ZCCHC7: variants seen among roughly 807,000 people sequenced by gnomAD.
ZCCHC7 encodes the protein zinc finger CCHC domain-containing protein 7.
Under a neutral mutation model 52.0 loss-of-function variants are expected in ZCCHC7, and 35 were observed. The observed-to-expected ratio is 0.67, with a 90% CI of 0.51 to 0.89. The LOEUF is 0.89. Among genes scored for constraint, ZCCHC7 ranks in the 40% least tolerant of loss-of-function variants. The pLI is 0.00. For missense variants in ZCCHC7, 574 were observed against 649.1 expected (o/e 0.88, Z 1.26); for synonymous variants, 217 against 221.5 (o/e 0.98, Z 0.18).
intron 2 of ZCCHC7, among the ~76,000 whole-genome samples, chr9:37,194,369 G>T (rs1056718371): frequency 3.3e-5 from 5 of 152,056 alleles, no homozygotes; most frequent in African/African-American, 9.7e-5. Flanking sequence ...AAGTAGCAAC[G>T]GCCTTGCAAC....
chr9:37,126,849 G>T lies in ZCCHC7; in HGVS notation c.517G>T (p.Val173Leu). 1 of 1,614,178 alleles carries T rather than the reference G, an allele frequency of 6.2e-7. No individual in the cohort carries two copies. Among genetic ancestry groups the T allele is most frequent in the South Asian group, 1.1e-5 (1 of 91,084 alleles). ...GAGCACCATTTCAGAAGGTGATAAT[G>T]TGGAAAGCTGGATGCTACTGGGATG... ...EESTISEGDN[V>L]ESWMLLGCEV... Residue 173 changes from valine (V) to leucine (L), a missense_variant, in exon 2 of 9, where the codon GTG becomes TTG. By Grantham distance (32) the Val-to-Leu change is conservative (BLOSUM62 1). Transcript: ENST00000336755.
chr9:37,213,988 G>A (rs1020210878), intron 2 of ZCCHC7, among the ~76,000 whole-genome samples: 6 of 151,620 alleles, frequency 4.0e-5, no homozygotes, highest in Admixed American at 6.6e-5. Context: ...TATGAGATTC[G>A]CTCAATGGTG....
chr9:37,225,872 G>A (rs1018747892), intron 2 of ZCCHC7, among the ~76,000 whole-genome samples: 8 of 152,194 alleles, frequency 5.3e-5, no homozygotes, highest in African/African-American at 1.7e-4. Context: ...CTGGGAAGAA[G>A]ACAAGACAGT....
intron 2 of ZCCHC7, among the ~76,000 whole-genome samples, chr9:37,286,388 A>G (rs566585366): frequency 5.9e-5 from 9 of 152,314 alleles, no homozygotes. Context: ...CAGGCTGGGC[A>G]TAGTGGCTTA....
chr9:37,152,615 T>A (rs761307472), intron 2 of ZCCHC7, among the ~76,000 whole-genome samples: 17 of 152,142 alleles, frequency 1.1e-4, no homozygotes, highest in Non-Finnish European at 2.2e-4. Flanking sequence ...AAATTAGGAT[T>A]TGTTTGATGT....
At chr9:37,120,681 C>A in intron 1 of ZCCHC7, 58 bp downstream of exon 1, 1 of 379,644 alleles carries the variant, frequency 2.6e-6, no homozygotes, top group Admixed American at 4.5e-5. Flanking sequence ...TGCCTACCCT[C>A]CTTCTTGCCC....
intron 2 of ZCCHC7, among the ~76,000 whole-genome samples, chr9:37,210,444 T>C (rs1015989711): frequency 2.6e-5 from 4 of 152,218 alleles, no homozygotes; most frequent in African/African-American, 9.7e-5. Context: ...TCCTATCTTA[T>C]ATTACTGATC....
intron 2 of ZCCHC7, among the ~76,000 whole-genome samples, chr9:37,300,949 G>A (rs2133689550): frequency 6.6e-6 from 1 of 152,210 alleles, no homozygotes; most frequent in Middle Eastern, 3.4e-3. Flanking sequence ...TTTTACAGTT[G>A]TATTTTTAGA....
intron 2 of ZCCHC7, among the ~76,000 whole-genome samples, chr9:37,165,818 C>G (rs567011592): frequency 2.6e-5 from 4 of 152,114 alleles, no homozygotes; most frequent in Non-Finnish European, 5.9e-5. Context: ...CTAAACAGAA[C>G]TAACATCAGA....
At chr9:37,316,399 G>A (rs1218849659) in intron 5 of ZCCHC7, among the ~76,000 whole-genome samples, 1 of 148,170 alleles carries the variant, frequency 6.7e-6, no homozygotes, top group Non-Finnish European at 1.5e-5. Flanking sequence ...CAATGAAAGG[G>A]TCTTTTAATG....
At chr9:37,189,806 C>T (rs115094370) in intron 2 of ZCCHC7, among the ~76,000 whole-genome samples, 88 of 152,280 alleles carry the variant, frequency 5.8e-4, no homozygotes, top group African/African-American at 2.0e-3. Context: ...CAGTCTTACT[C>T]AGAACTGTCC....
rs1190532157 is a variant in ZCCHC7 at position 37,302,239 on chromosome 9, C to A, written c.654+8C>A. On this transcript the variant is annotated splice_region_variant and intron_variant, in intron 3 of 8. Coordinates refer to ENST00000336755, the MANE Select transcript of ZCCHC7 (RefSeq NM_032226.3). ...AGTGACAAAGACATTGAGGTAAAAT[C>A]AAATTGTTTTTAAAATTCAGAATAA... The A allele has an allele frequency of 4.4e-6, 7 of 1,597,146 alleles. No individual in the cohort carries two copies. Among genetic ancestry groups the A allele is most frequent in the South Asian group, 2.2e-5 (2 of 89,606 alleles).
chr9:37,272,763 A>G (rs1827488640), intron 2 of ZCCHC7, among the ~76,000 whole-genome samples: 1 of 152,180 alleles, frequency 6.6e-6, no homozygotes, highest in African/African-American at 2.4e-5. Flanking sequence ...CTTAATTAGC[A>G]CTATTCCGTA....
chr9:37,265,343 T>C (rs1374266745), intron 2 of ZCCHC7, among the ~76,000 whole-genome samples: 2 of 152,144 alleles, frequency 1.3e-5, no homozygotes, highest in Non-Finnish European at 2.9e-5. Flanking sequence ...CTAGGATTCC[T>C]AGTAAAGGGA....
chr9:37,339,710 A>T (rs1021145592), intron 6 of ZCCHC7, among the ~76,000 whole-genome samples: 1 of 152,226 alleles, frequency 6.6e-6, no homozygotes, highest in African/African-American at 2.4e-5. Flanking sequence ...AATATATGTC[A>T]TATAGCAAAC....
At chr9:37,173,553 T>C (rs546475686) in intron 2 of ZCCHC7, among the ~76,000 whole-genome samples, 1 of 152,368 alleles carries the variant, frequency 6.6e-6, no homozygotes, top group African/African-American at 2.4e-5. Flanking sequence ...GATTCTGCAT[T>C]TCAGAAGCAA....
At chr9:37,136,363 A>G (rs1169693854) in intron 2 of ZCCHC7, among the ~76,000 whole-genome samples, 1 of 152,160 alleles carries the variant, frequency 6.6e-6, no homozygotes, top group African/African-American at 2.4e-5. Context: ...GTTCATGATC[A>G]TTGTGGCAAA....
intron 2 of ZCCHC7, among the ~76,000 whole-genome samples, chr9:37,128,853 A>G (rs1241766080): frequency 6.6e-6 from 1 of 152,280 alleles, no homozygotes; most frequent in Admixed American, 6.5e-5. Context: ...GCAAGATGAC[A>G]GAAACAAAAT....
intron 2 of ZCCHC7, among the ~76,000 whole-genome samples, chr9:37,188,474 C>T (rs1311795882): frequency 6.8e-6 from 1 of 148,048 alleles, no homozygotes; most frequent in African/African-American, 2.5e-5. Flanking sequence ...TCTCTCCTCT[C>T]ATCTTCTCTC....
Sources: gnomAD v4.1 joint callset for allele counts (sites outside exome capture counted in the v4.1 genomes callset) on GRCh38, gnomAD v4.1.1 for gene constraint, MANE v1.5 for transcripts, NCBI Gene and HGNC (gene_info 2026-07-23, HGNC 2026-07-21) for gene names.